FAM135B: variants seen among roughly 807,000 people sequenced by gnomAD.
The protein encoded by FAM135B is family with sequence similarity 135 member B.
FAM135B carries 43 observed loss-of-function variants against 127.7 expected under a neutral mutation model. That is an observed-to-expected ratio of 0.34 (90% CI 0.26 to 0.43). The LOEUF (loss-of-function observed/expected upper bound fraction) is 0.43. FAM135B is among the 20% of genes least tolerant of loss of function. The pLI, the probability that FAM135B is intolerant of heterozygous loss-of-function variation, is 1.00. For synonymous variants in FAM135B, 670 were observed against 665.1 expected (o/e 1.01, Z -0.11); for missense variants, 1,558 against 1,725.6 (o/e 0.90, Z 1.72).
chr8:138,224,562 C>T (rs562052299), intron 7 of FAM135B, among the ~76,000 whole-genome samples: 26 of 152,302 alleles, frequency 1.7e-4, no homozygotes, highest in African/African-American at 5.8e-4. Flanking sequence ...AAAGGTTCCA[C>T]ATCATTGAGT....
chr8:138,461,032 G>A (rs1222372248), intron 1 of FAM135B, among the ~76,000 whole-genome samples: 6 of 152,056 alleles, frequency 3.9e-5, no homozygotes, highest in East Asian at 1.9e-4. Context: ...AAAGGGAACC[G>A]GTGAGATAAG....
intron 12 of FAM135B, among the ~76,000 whole-genome samples, chr8:138,163,972 G>A (rs1241605016): frequency 2.6e-5 from 4 of 152,146 alleles, no homozygotes; most frequent in Non-Finnish European, 4.4e-5. Flanking sequence ...TGGACTACAG[G>A]TGTGAGCCAC....
At chr8:138,381,977 A>G (rs944809754) in intron 1 of FAM135B, among the ~76,000 whole-genome samples, 2 of 152,060 alleles carry the variant, frequency 1.3e-5, no homozygotes, top group African/African-American at 4.8e-5. Context: ...GCAAGATGCA[A>G]GGCTCCCACA....
chr8:138,423,230 T>A (rs1834627542), intron 1 of FAM135B, among the ~76,000 whole-genome samples: 1 of 152,178 alleles, frequency 6.6e-6, no homozygotes, highest in Admixed American at 6.5e-5. Context: ...GCAACTTACC[T>A]ATGTAAAAAA....
intron 4 of FAM135B, 47 bp downstream of exon 4, chr8:138,265,656 A>T (rs937068778): frequency 6.2e-7 from 1 of 1,606,120 alleles, no homozygotes; most frequent in East Asian, 2.2e-5. Flanking sequence ...GAGAACAGCC[A>T]TGATAGGGAA....
At chr8:138,201,852 G>A (rs954565939) in intron 7 of FAM135B, among the ~76,000 whole-genome samples, 11 of 152,018 alleles carry the variant, frequency 7.2e-5, no homozygotes, top group African/African-American at 2.2e-4. Context: ...TCCACTGAGT[G>A]CAGTGGCTCA....
At chr8:138,182,594 C>T (rs531517764) in intron 9 of FAM135B, among the ~76,000 whole-genome samples, 17 of 152,240 alleles carry the variant, frequency 1.1e-4, no homozygotes, top group Admixed American at 3.3e-4. Context: ...GGTGTATGAT[C>T]GTGTTATAGC....
At chr8:138,307,340 G>T (rs529903466) in intron 3 of FAM135B, among the ~76,000 whole-genome samples, 5 of 152,098 alleles carry the variant, frequency 3.3e-5, no homozygotes, top group Non-Finnish European at 7.3e-5. Context: ...TTCCCCACCC[G>T]TGCAGAACTA....
intron 17 of FAM135B, among the ~76,000 whole-genome samples, chr8:138,139,437 C>T (rs770377435): frequency 2.0e-5 from 3 of 152,180 alleles, no homozygotes; most frequent in Admixed American, 6.5e-5. Context: ...CTTACAGATA[C>T]ATTTAGGATA....
At chr8:138,479,748 A>G (rs1012008654) in intron 1 of FAM135B, among the ~76,000 whole-genome samples, 9 of 152,212 alleles carry the variant, frequency 5.9e-5, no homozygotes, top group African/African-American at 1.9e-4. Flanking sequence ...TATCCTCAGC[A>G]CTGGACTTGG....
At chr8:138,413,496 C>T (rs971588156) in intron 1 of FAM135B, among the ~76,000 whole-genome samples, 3 of 152,190 alleles carry the variant, frequency 2.0e-5, no homozygotes, top group South Asian at 2.1e-4. Flanking sequence ...GAAACTAGAA[C>T]ATCTGACTGC....
In FAM135B at chr8:138,141,250, G is replaced by T; in HGVS notation, c.3738C>A (p.Leu1246=). The T allele has an allele frequency of 2.5e-6, 4 of 1,614,160 alleles. No homozygotes were observed. The highest frequency in any genetic ancestry group is 3.4e-6 in the Non-Finnish European group (4 of 1,180,030). ...YLNKLHTFLS[L]SGPHLGTLYN... ...ACAGGGTTCCCAGGTGAGGCCCAGA[G>T]AGTGACAGGAACGTGTGGAGTTTGT... The change falls in exon 17 of 20, where the codon CTC becomes CTA. Residue 1246 remains leucine, a synonymous_variant. Transcript: ENST00000395297. This position sits in a 1 kb window ranked among gnomAD's most constrained non-coding sequence, Gnocchi z 4.7.
chr8:138,313,352 G>A (rs1040881109), intron 2 of FAM135B, among the ~76,000 whole-genome samples: 2 of 152,018 alleles, frequency 1.3e-5, no homozygotes, highest in Admixed American at 6.6e-5. Context: ...GGCTGGTCTC[G>A]AACTCCTGAC....
intron 1 of FAM135B, among the ~76,000 whole-genome samples, chr8:138,383,466 C>A (rs16909050): frequency 6.6e-6 from 1 of 152,154 alleles, no homozygotes; most frequent in Admixed American, 6.5e-5. Context: ...GGATCCCAAG[C>A]ATTCTGCTCT....
chr8:138,181,794 A>G (rs1000088720), intron 9 of FAM135B, among the ~76,000 whole-genome samples: 7 of 151,960 alleles, frequency 4.6e-5, no homozygotes, highest in African/African-American at 1.7e-4. Context: ...ACCTTCTCCA[A>G]TGCTCCGCGT....
chr8:138,375,332 A>C (rs1831400346), intron 1 of FAM135B, among the ~76,000 whole-genome samples: 1 of 152,204 alleles, frequency 6.6e-6, no homozygotes, highest in South Asian at 2.1e-4. Flanking sequence ...TGTAAAATGC[A>C]GAGAGTCTAG....
Position 138,242,823 on chromosome 8 carries a change from G to T in FAM135B, c.669+119C>A. ...GGGGTGGGAAGATGGTGAAAGGAAGGGTCAAATTAGCAAAAATCTCTGAAG... is the reference window on the plus strand; with the variant it reads ...GGGGTGGGAAGATGGTGAAAGGAAGTGTCAAATTAGCAAAAATCTCTGAAG... On this transcript the variant is annotated intron_variant, in intron 7 of 19. Coordinates refer to ENST00000395297, the MANE Select transcript of FAM135B (RefSeq NM_015912.4). This position sits in a 1 kb window ranked among gnomAD's most constrained non-coding sequence, Gnocchi z 9.6. 1 of 1,338,592 alleles carries T rather than the reference G, an allele frequency of 7.5e-7. No homozygotes were observed. The highest frequency in any genetic ancestry group is 1.0e-6 in the Non-Finnish European group (1 of 996,122). The allele number at this position is 1,338,592 out of a possible 1,614,324, so 82.9% of individuals were successfully genotyped here. A position where few individuals can be genotyped will look rare whatever the true frequency, so the allele number is the denominator to read the frequency against.
intron 9 of FAM135B, among the ~76,000 whole-genome samples, chr8:138,183,215 T>C (rs983075053): frequency 5.3e-5 from 8 of 152,188 alleles, no homozygotes; most frequent in African/African-American, 1.9e-4. Flanking sequence ...TTAATGTACT[T>C]AATTACTTAA....
At chr8:138,442,077 T>C (rs1835807370) in intron 1 of FAM135B, among the ~76,000 whole-genome samples, 1 of 151,508 alleles carries the variant, frequency 6.6e-6, no homozygotes, top group Non-Finnish European at 1.5e-5. Context: ...AGGACCATTG[T>C]ATTATCTCCT....
Sources: allele counts gnomAD v4.1 joint callset (sites outside exome capture counted in the v4.1 genomes callset), GRCh38; gene constraint gnomAD v4.1.1; non-coding constraint Gnocchi (gnomAD v3.1); transcripts MANE v1.5; gene names NCBI Gene and HGNC (gene_info 2026-07-23, HGNC 2026-07-21).